CTNNA2: variants seen among roughly 807,000 people sequenced by gnomAD.
The protein encoded by CTNNA2 is catenin alpha 2, also known as catenin alpha-2.
In CTNNA2, 42 loss-of-function variants were observed where a neutral mutation model predicts 101.0. That is an observed-to-expected ratio of 0.42 (90% confidence interval 0.32 to 0.54). The LOEUF is 0.54. CTNNA2 is among the 20% of genes least tolerant of loss of function. The probability of loss-of-function intolerance (pLI) is 0.14; values close to 1 mark genes in which losing one functional copy is unlikely to be tolerated. For synonymous variants in CTNNA2, 450 were observed against 456.4 expected (o/e 0.99, Z 0.18); for missense variants, 871 against 1,223.1 (o/e 0.71, Z 4.29).
chr2:80,376,371 A>C (rs1360538781), intron 7 of CTNNA2, among the ~76,000 whole-genome samples: 1 of 152,126 alleles, frequency 6.6e-6, no homozygotes, highest in Non-Finnish European at 1.5e-5. Flanking sequence ...ACCTTCATTA[A>C]GAAACTTTTG....
chr2:79,771,514 T>G (rs749828098), intron 3 of CTNNA2, among the ~76,000 whole-genome samples: 1 of 152,230 alleles, frequency 6.6e-6, no homozygotes, highest in Non-Finnish European at 1.5e-5. Flanking sequence ...GAGCTTGTTT[T>G]CCTGCAACTG....
chr2:79,735,052 G>A (rs192061893), intron 2 of CTNNA2, among the ~76,000 whole-genome samples: 59 of 152,180 alleles, frequency 3.9e-4, no homozygotes, highest in African/African-American at 1.4e-3. Flanking sequence ...CTGCTTTAAT[G>A]TAGAGTGGTT....
chr2:80,363,130 A>G (rs964606937), intron 7 of CTNNA2, among the ~76,000 whole-genome samples: 7 of 152,134 alleles, frequency 4.6e-5, no homozygotes, highest in African/African-American at 1.7e-4. Context: ...TTTTGGTTTA[A>G]AAAATCCTGC....
At chr2:80,228,083 C>T (rs1014231232) in intron 7 of CTNNA2, among the ~76,000 whole-genome samples, 2 of 152,078 alleles carry the variant, frequency 1.3e-5, no homozygotes, top group Non-Finnish European at 2.9e-5. Context: ...TGTATCAAGA[C>T]CAAACTTGGA....
chr2:79,479,697 C>T (rs376488303), intron 4 of CTNNA2, among the ~76,000 whole-genome samples: 51 of 152,030 alleles, frequency 3.4e-4, no homozygotes, highest in Middle Eastern at 3.4e-3. Flanking sequence ...CCGAGGCGGG[C>T]GGATTGCCTG....
chr2:79,222,727 A>G lies in CTNNA2; in HGVS notation c.-406+24651A>G, dbSNP rs187009506. Reference sequence around the variant, plus strand: ...TGTTCTTATTATGGATTGAATATTTATGTCCCTCCTATAATTCATAAGTTG... The same window carrying G: ...TGTTCTTATTATGGATTGAATATTTGTGTCCCTCCTATAATTCATAAGTTG... On this transcript the variant is annotated intron_variant, in intron 2 of 21. Transcript: ENST00000466387. Among the ~76,000 whole-genome samples the G allele has an allele frequency of 4.1e-4, 62 of 151,564 alleles. No homozygotes were observed. The East Asian group carries it at 0.011, about 27-fold the overall frequency.
At chr2:79,293,823 A>G (rs1312874212) in intron 2 of CTNNA2, among the ~76,000 whole-genome samples, 1 of 152,216 alleles carries the variant, frequency 6.6e-6, no homozygotes. Context: ...ATTAGTAATT[A>G]TAATGTGCTA....
At chr2:80,401,768 A>C (rs956649609) in intron 8 of CTNNA2, among the ~76,000 whole-genome samples, 1 of 151,630 alleles carries the variant, frequency 6.6e-6, no homozygotes, top group Non-Finnish European at 1.5e-5. Context: ...AGGGGCAGAA[A>C]ATCCATGTTT....
chr2:79,792,008 T>C (rs1300416739), intron 3 of CTNNA2, among the ~76,000 whole-genome samples: 2 of 152,216 alleles, frequency 1.3e-5, no homozygotes, highest in Admixed American at 6.5e-5. Context: ...TAAAATTAAA[T>C]AATATGACAT....
At chr2:79,638,126 C>T (rs1435182480) in intron 1 of CTNNA2, among the ~76,000 whole-genome samples, 3 of 152,198 alleles carry the variant, frequency 2.0e-5, no homozygotes, top group Admixed American at 1.3e-4. Context: ...TAAACTTCGG[C>T]CAATGACCTG....
At chr2:79,764,766 T>A (rs755514509) in intron 3 of CTNNA2, among the ~76,000 whole-genome samples, 61 of 152,148 alleles carry the variant, frequency 4.0e-4, no homozygotes, top group African/African-American at 1.4e-3. Flanking sequence ...TGCCTTTTTT[T>A]AAAAGACTTC....
intron 7 of CTNNA2, among the ~76,000 whole-genome samples, chr2:80,116,667 T>C (rs1224343101): frequency 6.6e-6 from 1 of 152,162 alleles, no homozygotes; most frequent in Non-Finnish European, 1.5e-5. Flanking sequence ...TGTGTTTAGA[T>C]ATTTTAGGAT....
intron 7 of CTNNA2, among the ~76,000 whole-genome samples, chr2:80,251,476 A>G (rs1489854591): frequency 6.6e-6 from 1 of 152,122 alleles, no homozygotes; most frequent in Non-Finnish European, 1.5e-5. Flanking sequence ...GACCTGAATG[A>G]AACCCTCTTA....
intron 4 of CTNNA2, among the ~76,000 whole-genome samples, chr2:79,421,067 G>T (rs986011222): frequency 1.3e-5 from 2 of 152,140 alleles, no homozygotes; most frequent in African/African-American, 4.8e-5. Flanking sequence ...CCCATTTAAG[G>T]CTATGCCATC....
intron 7 of CTNNA2, among the ~76,000 whole-genome samples, chr2:80,116,494 A>C (rs1206605720): frequency 6.6e-6 from 1 of 151,982 alleles, no homozygotes; most frequent in African/African-American, 2.4e-5. Context: ...GTTTGTGTGC[A>C]TATGCATATG....
At chr2:80,108,004 G>T (rs1204133457) in intron 7 of CTNNA2, among the ~76,000 whole-genome samples, 2 of 152,162 alleles carry the variant, frequency 1.3e-5, no homozygotes, top group African/African-American at 4.8e-5. Context: ...TTCACCTAGC[G>T]GGCCCAGTGC....
chr2:80,287,926 G>C (rs1674911534), intron 7 of CTNNA2, among the ~76,000 whole-genome samples: 1 of 152,184 alleles, frequency 6.6e-6, no homozygotes, highest in Admixed American at 6.5e-5. Flanking sequence ...CATTTACTTA[G>C]TGCTTCATCT....
chr2:80,395,392 C>T (rs1449267725), intron 8 of CTNNA2, among the ~76,000 whole-genome samples: 3 of 152,230 alleles, frequency 2.0e-5, no homozygotes, highest in African/African-American at 2.4e-5. Flanking sequence ...ACATCTTTCT[C>T]TTCTCCAATC....
intron 2 of CTNNA2, among the ~76,000 whole-genome samples, chr2:79,308,720 A>G (rs1676301006): frequency 6.7e-6 from 1 of 149,542 alleles, no homozygotes; most frequent in Non-Finnish European, 1.5e-5. Context: ...TCTCCTGCAT[A>G]TGGATAACCA....
Sources: gnomAD v4.1 joint callset for allele counts (sites outside exome capture counted in the v4.1 genomes callset) on GRCh38, gnomAD v4.1.1 for gene constraint, MANE v1.5 for transcripts, NCBI Gene and HGNC (gene_info 2026-07-23, HGNC 2026-07-21) for gene names.